Variants in ANKIB1 observed in about 807,000 individuals in gnomAD.
The protein encoded by ANKIB1 is ankyrin repeat and IBR domain containing 1, also known as ankyrin repeat and IBR domain-containing protein 1.
A neutral mutation model predicts 122.1 loss-of-function variants in ANKIB1; 43 were observed. The ratio of observed to expected loss-of-function variants is 0.35; its 90% CI spans 0.28 to 0.45. The LOEUF (loss-of-function observed/expected upper bound fraction) is 0.45. Among genes scored for constraint, ANKIB1 ranks in the 20% least tolerant of loss-of-function variants. ANKIB1 has a pLI of 1.00. For missense variants in ANKIB1, 992 were observed against 1,329.5 expected (o/e 0.75, Z 3.95); for synonymous variants, 390 against 442.0 (o/e 0.88, Z 1.48).
intron 1 of ANKIB1, among the ~76,000 whole-genome samples, chr7:92,278,786 G>A (rs1024370029): frequency 1.3e-5 from 2 of 152,140 alleles, no homozygotes; most frequent in Non-Finnish European, 2.9e-5. Context: ...GAGCAGCCTA[G>A]GAAAAAATCC....
At chr7:92,361,378 G>A (rs1177895198) in intron 9 of ANKIB1, among the ~76,000 whole-genome samples, 1 of 152,190 alleles carries the variant, frequency 6.6e-6, no homozygotes, top group East Asian at 1.9e-4. Context: ...AGTAACTACA[G>A]TAATTCAACT....
intron 1 of ANKIB1, among the ~76,000 whole-genome samples, chr7:92,250,309 C>T (rs1253089144): frequency 2.6e-5 from 4 of 152,166 alleles, no homozygotes; most frequent in Non-Finnish European, 1.5e-5. Context: ...AGGAGAATCG[C>T]CTGAACCCAG....
rs1802587800 is a variant in ANKIB1, at chr7:92,307,536, A to T, written c.366A>T (p.Lys122Asn). Residue 122 changes from lysine (K) to asparagine (N), a missense_variant, in exon 3 of 20, where the codon AAA becomes AAT. Physicochemically the swap from Lys to Asn is moderately conservative, Grantham distance 94. Transcript: ENST00000265742. Reference protein sequence around the residue: ...RRADCLQMILKWKGAKLDQGE... With the variant: ...RRADCLQMILNWKGAKLDQGE... ...CAGATTGTCTGCAGATGATCTTAAA[A>T]TGGAAAGGAGCAAAACTTGACCAGG... 6.2e-7 allele frequency: 1 copy of T among 1,613,918 alleles called. No homozygotes were observed. Among genetic ancestry groups the T allele is most frequent in the Admixed American group, 1.7e-5 (1 of 60,028 alleles).
intron 1 of ANKIB1, among the ~76,000 whole-genome samples, chr7:92,258,593 A>G (rs978571142): frequency 9.2e-5 from 14 of 152,228 alleles, no homozygotes; most frequent in African/African-American, 3.1e-4. Context: ...GGAGAATTTT[A>G]GAAATAGTTC....
intron 1 of ANKIB1, among the ~76,000 whole-genome samples, chr7:92,284,992 C>T (rs1802088074): frequency 6.6e-6 from 1 of 152,158 alleles, no homozygotes; most frequent in Admixed American, 6.5e-5. Context: ...TAATTATTTA[C>T]TTAGAACAAC....
intron 1 of ANKIB1, among the ~76,000 whole-genome samples, chr7:92,268,287 T>C (rs1002059659): frequency 6.6e-6 from 1 of 152,124 alleles, no homozygotes; most frequent in African/African-American, 2.4e-5. Flanking sequence ...TCCAGAAAAA[T>C]TGGATTGTTC....
intron 10 of ANKIB1, among the ~76,000 whole-genome samples, chr7:92,365,222 A>G (rs1432180804): frequency 2.0e-5 from 3 of 152,214 alleles, no homozygotes; most frequent in Admixed American, 6.5e-5. Context: ...GTGAGAGAAC[A>G]TTGTTCATGT....
intron 7 of ANKIB1, among the ~76,000 whole-genome samples, chr7:92,350,509 T>A (rs1803638266): frequency 6.6e-6 from 1 of 152,196 alleles, no homozygotes; most frequent in Non-Finnish European, 1.5e-5. Context: ...TTACAATTGC[T>A]GTTTCACACT....
intron 15 of ANKIB1, among the ~76,000 whole-genome samples, chr7:92,390,888 ACTT>A (rs748319693): frequency 3.9e-5 from 6 of 152,140 alleles, no homozygotes; most frequent in Non-Finnish European, 7.3e-5. Flanking sequence ...TATACTCACT[ACTT>A]CTTTGTAATC....
chr7:92,338,911 CAAAAAAAAA>C (rs1184392588), intron 5 of ANKIB1, among the ~76,000 whole-genome samples: 26 of 21,200 alleles, frequency 1.2e-3, no homozygotes, highest in African/African-American at 4.4e-3. Context: ...GACTCCATCT[CAAAAAAAAA>C]AAAAAAAAAA....
intron 5 of ANKIB1, among the ~76,000 whole-genome samples, chr7:92,328,198 G>A (rs1317176088): frequency 2.0e-5 from 3 of 152,172 alleles, no homozygotes; most frequent in Non-Finnish European, 4.4e-5. Context: ...GAGTGAGATT[G>A]AGCATTGAAA....
At position 92,246,463 on chromosome 7, in the gene ANKIB1, G is replaced by T. The variant is rs565208396; in HGVS notation, c.-147G>T. The T allele has an allele frequency of 1.2e-5, 6 of 517,970 alleles. No homozygotes were observed. Among genetic ancestry groups the T allele is most frequent in the Non-Finnish European group, 1.9e-5 (5 of 259,748 alleles). 32.1% of individuals were successfully genotyped at this position (517,970 alleles called of 1,614,324 possible). Reference sequence around the variant, plus strand: ...GGCTGTAGAGGCAGGGGCGGCGGAGGCGGAACTGCGGAGTTGCTGGGTCCA... The same window carrying T: ...GGCTGTAGAGGCAGGGGCGGCGGAGTCGGAACTGCGGAGTTGCTGGGTCCA... On this transcript the variant is annotated 5_prime_UTR_variant, in exon 1 of 20. Coordinates refer to ENST00000265742, the MANE Select transcript of ANKIB1 (RefSeq NM_019004.2).
chr7:92,246,280 C>T lies in ANKIB1; in HGVS notation c.-330C>T, dbSNP rs752046004. On this transcript the variant is annotated 5_prime_UTR_variant, in exon 1 of 20. Coordinates refer to ENST00000265742, the MANE Select transcript of ANKIB1 (RefSeq NM_019004.2). The stretch of plus-strand genomic sequence containing the variant: ...GGGGGCGCCCACCCAGTCTGAGCCT[C>T]GCCGCGGGCGCCTTCGGCTCACGCA... The T allele has an allele frequency of 2.5e-6, 1 of 404,810 alleles. No homozygotes were observed. The highest frequency in any genetic ancestry group is 1.7e-5 in the South Asian group (1 of 58,048). The allele number at this position is 404,810 out of a possible 1,614,324, so 25.1% of individuals were successfully genotyped here. A position where few individuals can be genotyped will look rare whatever the true frequency, so the allele number is the denominator to read the frequency against.
chr7:92,271,590 G>T (rs1331477229), intron 1 of ANKIB1, among the ~76,000 whole-genome samples: 1 of 152,128 alleles, frequency 6.6e-6, no homozygotes, highest in East Asian at 1.9e-4. Flanking sequence ...TTTTTTAAAA[G>T]AATATTTAAT....
intron 5 of ANKIB1, among the ~76,000 whole-genome samples, chr7:92,333,139 A>G (rs1803210397): frequency 2.0e-5 from 3 of 152,132 alleles, no homozygotes; most frequent in African/African-American, 7.2e-5. Context: ...CCTCTCAACT[A>G]CACTACAGAA....
At chr7:92,313,615 A>G (rs1033566036) in intron 3 of ANKIB1, among the ~76,000 whole-genome samples, 1 of 152,166 alleles carries the variant, frequency 6.6e-6, no homozygotes, top group Non-Finnish European at 1.5e-5. Flanking sequence ...ATATCCTGGA[A>G]GATTTCATGG....
At chr7:92,316,773 C>T (rs1190991767) in intron 3 of ANKIB1, among the ~76,000 whole-genome samples, 3 of 152,176 alleles carry the variant, frequency 2.0e-5, no homozygotes, top group African/African-American at 4.8e-5. Flanking sequence ...CACATTCTGG[C>T]ATATCCTTTT....
intron 1 of ANKIB1, among the ~76,000 whole-genome samples, chr7:92,282,066 AT>A (rs1038869540): frequency 4.9e-4 from 74 of 152,234 alleles, no homozygotes; most frequent in Non-Finnish European, 8.1e-4. Context: ...TGTAATTTTT[AT>A]TTTTTCTTTA....
chr7:92,328,440 G>GT (rs1325374838), intron 5 of ANKIB1, among the ~76,000 whole-genome samples: 5 of 151,800 alleles, frequency 3.3e-5, no homozygotes, highest in Non-Finnish European at 7.4e-5. Flanking sequence ...GTTTTGTTTT[G>GT]TTTTTTAGAC....
Sources: allele counts gnomAD v4.1 joint callset (sites outside exome capture counted in the v4.1 genomes callset), GRCh38; gene constraint gnomAD v4.1.1; transcripts MANE v1.5; gene names NCBI Gene and HGNC (gene_info 2026-07-23, HGNC 2026-07-21).